Variants in B3GALT1 observed in about 807,000 individuals in gnomAD.
B3GALT1 encodes the protein beta-1,3-galactosyltransferase 1.
B3GALT1 carries 10 observed loss-of-function variants against 23.2 expected under a neutral mutation model. The ratio of observed to expected loss-of-function variants is 0.43; its 90% CI spans 0.27 to 0.73. The LOEUF is 0.73. Among genes scored for constraint, B3GALT1 ranks in the 30% least tolerant of loss-of-function variants. The pLI, the probability that B3GALT1 is intolerant of heterozygous loss-of-function variation, is 0.21. For synonymous variants in B3GALT1, 156 were observed against 141.5 expected, an observed-to-expected ratio of 1.10 and a Z score of -0.73; for missense variants, 299 against 405.4, an observed-to-expected ratio of 0.74 and a Z score of 2.25.
At chr2:167,773,778 T>C (rs897699502) in intron 3 of B3GALT1, among the ~76,000 whole-genome samples, 1 of 152,210 alleles carries the variant, frequency 6.6e-6, no homozygotes, top group Non-Finnish European at 1.5e-5. Context: ...CATCTCTCTT[T>C]TATATGCTTG....
chr2:167,812,917 C>G (rs1035076064), intron 3 of B3GALT1, among the ~76,000 whole-genome samples: 13 of 151,300 alleles, frequency 8.6e-5, no homozygotes, highest in African/African-American at 3.2e-4. Flanking sequence ...ATACCTCATT[C>G]AAGAGAAAAA....
chr2:167,297,395 TAAA>T lies in B3GALT1; in HGVS notation c.-511+4071_-511+4073del, dbSNP rs57035238. On this transcript the variant is annotated intron_variant, in intron 1 of 4. Transcript: ENST00000392690. The stretch of plus-strand genomic sequence containing the variant: ...TTTATGTACCTCTGTAAAAACTGAT[TAAA>T]AAAAAAAAACTAGGTTTTGAGGTCA... Among the ~76,000 whole-genome samples, 255 of 144,296 alleles carry T rather than the reference TAAA, an allele frequency of 1.8e-3. 11 individuals are homozygous for T. In the East Asian group the frequency reaches 0.049, roughly 28 times the overall value. The allele number at this position is 144,296 out of a possible 152,430, so 94.7% of individuals were successfully genotyped here. A position where few individuals can be genotyped will look rare whatever the true frequency, so the allele number is the denominator to read the frequency against.
At chr2:167,579,420 GT>G (rs745735602) in intron 2 of B3GALT1, among the ~76,000 whole-genome samples, 6,819 of 92,970 alleles carry the variant, frequency 0.073, 447 homozygotes, top group African/African-American at 0.25. Flanking sequence ...TTTTGGTTTT[GT>G]TTTTTTTTGT....
intron 2 of B3GALT1, among the ~76,000 whole-genome samples, chr2:167,631,978 T>A (rs893812746): frequency 1.3e-5 from 2 of 151,642 alleles, no homozygotes; most frequent in African/African-American, 4.8e-5. Context: ...CGGTGTGTGA[T>A]GTTCCCTACC....
intron 3 of B3GALT1, among the ~76,000 whole-genome samples, chr2:167,763,178 G>A (rs10194014): frequency 0.11 from 17,354 of 152,038 alleles, 1,326 homozygotes; most frequent in East Asian, 0.34. Flanking sequence ...GAATGTATAC[G>A]GGGTTATACT....
chr2:167,758,929 T>C (rs971205813), intron 3 of B3GALT1, among the ~76,000 whole-genome samples: 2 of 152,104 alleles, frequency 1.3e-5, no homozygotes, highest in East Asian at 1.9e-4. Flanking sequence ...AAAGAAGCTT[T>C]CGTGATGGTA....
chr2:167,537,980 G>T (rs369483450), intron 2 of B3GALT1, among the ~76,000 whole-genome samples: 1 of 151,882 alleles, frequency 6.6e-6, no homozygotes, highest in East Asian at 1.9e-4. Flanking sequence ...GTGCCACCAC[G>T]CCTGGCTCAT....
At chr2:167,449,854 G>A (rs1046962826) in intron 1 of B3GALT1, among the ~76,000 whole-genome samples, 3 of 152,110 alleles carry the variant, frequency 2.0e-5, no homozygotes, top group African/African-American at 7.2e-5. Context: ...AGATAATCAT[G>A]TGAATTTGTT....
chr2:167,621,947 C>T (rs907185043), intron 2 of B3GALT1, among the ~76,000 whole-genome samples: 8 of 152,032 alleles, frequency 5.3e-5, no homozygotes, highest in Non-Finnish European at 7.4e-5. Context: ...TCAATTAAAC[C>T]GCTTTCCTTT....
rs10189089 is a variant in B3GALT1 at position 167,867,712 on chromosome 2, C to T, written c.-229-1099C>T. Among the ~76,000 whole-genome samples, 1,379 of 152,198 alleles carry T rather than the reference C, an allele frequency of 9.1e-3. 21 individuals are homozygous for T. The highest frequency in any genetic ancestry group is 0.031 in the African/African-American group (1,299 of 41,502). On this transcript the variant is annotated intron_variant, in intron 4 of 4. Coordinates refer to ENST00000392690, the MANE Select transcript of B3GALT1 (RefSeq NM_020981.4). ...GAAGCAGACTTTGTTAAAATTGATACCTATTCTCTACTATCTCTGCCTTCC... is the reference window on the plus strand; with the variant it reads ...GAAGCAGACTTTGTTAAAATTGATATCTATTCTCTACTATCTCTGCCTTCC...
chr2:167,347,123 A>C (rs929404817), intron 1 of B3GALT1, among the ~76,000 whole-genome samples: 1 of 152,214 alleles, frequency 6.6e-6, no homozygotes, highest in Non-Finnish European at 1.5e-5. Flanking sequence ...AATAACTAAT[A>C]ATTGTTCTAA....
intron 1 of B3GALT1, among the ~76,000 whole-genome samples, chr2:167,473,767 T>C (rs1177886612): frequency 6.6e-6 from 1 of 152,166 alleles, no homozygotes; most frequent in Non-Finnish European, 1.5e-5. Flanking sequence ...TAGGGGATGC[T>C]ATTGTCTATC....
rs139434242 is a variant in B3GALT1, at chr2:167,793,191, G to C, written c.-351-25481G>C. 1.9e-3 allele frequency among the ~76,000 whole-genome samples: 285 copies of C among 152,216 alleles called. 3 individuals are homozygous for C. The highest frequency in any genetic ancestry group is 6.4e-3 in the African/African-American group (268 of 41,556). On this transcript the variant is annotated intron_variant, in intron 3 of 4. Coordinates refer to ENST00000392690, the MANE Select transcript of B3GALT1 (RefSeq NM_020981.4). ...CTCTCCATGCTGCTCGCAGGCACAG[G>C]ATAGTGCCCACAGTTCCAAGCATCA...
chr2:167,568,806 C>G (rs1312300154), intron 2 of B3GALT1, among the ~76,000 whole-genome samples: 6 of 151,670 alleles, frequency 4.0e-5, no homozygotes, highest in Admixed American at 2.0e-4. Context: ...TTGCCATACC[C>G]AAGATCATCA....
intron 1 of B3GALT1, among the ~76,000 whole-genome samples, chr2:167,486,188 A>C (rs1395308346): frequency 8.7e-5 from 13 of 148,830 alleles, no homozygotes; most frequent in Non-Finnish European, 1.6e-4. Context: ...GTGAAACCCC[A>C]ACTCTACTAA....
At chr2:167,476,126 C>T (rs1407240319) in intron 1 of B3GALT1, among the ~76,000 whole-genome samples, 6 of 152,154 alleles carry the variant, frequency 3.9e-5, no homozygotes, top group Non-Finnish European at 8.8e-5. Flanking sequence ...AGGGTCAGGA[C>T]TTCAACCTAT....
At position 167,872,313 on chromosome 2, in the gene B3GALT1, C is replaced by G. The variant is rs1690367904; in HGVS notation, c.*2293C>G. 6.6e-6 allele frequency: 1 copy of G among 152,222 alleles called. No individual in the cohort carries two copies. Among genetic ancestry groups the G allele is most frequent in the East Asian group, 1.9e-4 (1 of 5,194 alleles). The allele number at this position is 152,222 out of a possible 1,614,324, so 9.4% of individuals were successfully genotyped here. A position where few individuals can be genotyped will look rare whatever the true frequency, so the allele number is the denominator to read the frequency against. Reference sequence around the variant, plus strand: ...ATGGCTTGTTTCTGCAAAACACGATCTCTCATCCCCCACCCGAAAGGACCT... The same window carrying G: ...ATGGCTTGTTTCTGCAAAACACGATGTCTCATCCCCCACCCGAAAGGACCT... On this transcript the variant is annotated 3_prime_UTR_variant, in exon 5 of 5. Transcript: ENST00000392690.
chr2:167,678,021 C>T (rs554341250), intron 3 of B3GALT1, among the ~76,000 whole-genome samples: 34 of 152,246 alleles, frequency 2.2e-4, no homozygotes, highest in Admixed American at 3.9e-4. Context: ...CCAACACGTG[C>T]GGATTATAAT....
At chr2:167,805,210 G>A (rs543796377) in intron 3 of B3GALT1, among the ~76,000 whole-genome samples, 1 of 152,252 alleles carries the variant, frequency 6.6e-6, no homozygotes, top group Non-Finnish European at 1.5e-5. Flanking sequence ...TGAGTTCATT[G>A]TAGATTCTGG....
Sources: gnomAD v4.1 joint callset for allele counts (sites outside exome capture counted in the v4.1 genomes callset) on GRCh38, gnomAD v4.1.1 for gene constraint, MANE v1.5 for transcripts, NCBI Gene and HGNC (gene_info 2026-07-23, HGNC 2026-07-21) for gene names.